Variants in ALOX5 observed in about 807,000 individuals in gnomAD.
ALOX5 encodes polyunsaturated fatty acid 5-lipoxygenase.
Under a neutral mutation model 87.9 loss-of-function variants are expected in ALOX5, and 64 were observed. The observed-to-expected ratio is 0.73, with a 90% CI of 0.60 to 0.90. The LOEUF is 0.90. ALOX5 is among the 40% of genes least tolerant of loss of function. The probability of loss-of-function intolerance (pLI) is 0.00; values close to 1 mark genes in which losing one functional copy is unlikely to be tolerated. For missense variants in ALOX5, 822 were observed against 907.5 expected, an observed-to-expected ratio of 0.91 and a Z score of 1.21; for synonymous variants, 388 against 355.1, an observed-to-expected ratio of 1.09 and a Z score of -1.04.
chr10:45,409,509 G>GTCTCTC (rs71515351), intron 3 of ALOX5, among the ~76,000 whole-genome samples: 35,266 of 129,518 alleles, frequency 0.27, 6,298 homozygotes, highest in East Asian at 0.47. Context: ...CTGTCTGTCT[G>GTCTCTC]TCTCTCTCTC....
intron 7 of ALOX5, among the ~76,000 whole-genome samples, chr10:45,435,665 T>C (rs2132839728): frequency 6.6e-6 from 1 of 152,376 alleles, no homozygotes. Flanking sequence ...CACATTTTCT[T>C]TATCTGGTGC....
At chr10:45,444,547 T>TC (rs1842373235) in intron 13 of ALOX5, 1 of 434,756 alleles carries the variant, frequency 2.3e-6, no homozygotes, top group Non-Finnish European at 4.0e-6. Flanking sequence ...TGACGCCCCC[T>TC]CCCCCCAGCT....
At chr10:45,394,635 C>A (rs147495166) in intron 2 of ALOX5, among the ~76,000 whole-genome samples, 5 of 152,038 alleles carry the variant, frequency 3.3e-5, no homozygotes, top group African/African-American at 1.2e-4. Flanking sequence ...AGCTTCTGCA[C>A]AGCAAAAGAA....
At position 45,445,507 on chromosome 10, in the gene ALOX5, G is replaced by C; in HGVS notation, c.1846-1G>C. ...GTGTGTGTCCATGTCTGGGCCCTCA[G>C]CTGTTCCTGGGCATGTACCCAGAAG... On this transcript the variant is annotated splice_acceptor_variant, in intron 13 of 13. Coordinates refer to ENST00000374391, the MANE Select transcript of ALOX5 (RefSeq NM_000698.5). LOFTEE classifies it high-confidence loss of function. 6.2e-7 allele frequency: 1 copy of C among 1,612,282 alleles called. No individual in the cohort carries two copies. Among genetic ancestry groups the C allele is most frequent in the Non-Finnish European group, 8.5e-7 (1 of 1,178,454 alleles).
rs535179925 is a variant in ALOX5, at chr10:45,437,504, T to G, written c.982-2926T>G. 8.5e-5 allele frequency among the ~76,000 whole-genome samples: 13 copies of G among 152,372 alleles called. No homozygotes were observed. The East Asian group carries it at 2.5e-3, about 29-fold the overall frequency. ...TTTTTTAAGCCTTTTCGCTTTGTGCTAATAACTTTTTGTTAAGCCCTATCA... is the reference window on the plus strand; with the variant it reads ...TTTTTTAAGCCTTTTCGCTTTGTGCGAATAACTTTTTGTTAAGCCCTATCA... On this transcript the variant is annotated intron_variant, in intron 7 of 13. Transcript: ENST00000374391.
intron 2 of ALOX5, among the ~76,000 whole-genome samples, chr10:45,384,257 A>G (rs916853188): frequency 2.6e-5 from 4 of 152,212 alleles, no homozygotes; most frequent in African/African-American, 7.2e-5. Context: ...CTTTCTGGTC[A>G]GAGTTCCCAG....
intron 4 of ALOX5, among the ~76,000 whole-genome samples, chr10:45,420,452 CAT>C (rs1841461284): frequency 6.6e-6 from 1 of 152,238 alleles, no homozygotes; most frequent in Non-Finnish European, 1.5e-5. Context: ...ATTTGGAAAA[CAT>C]TGCAAACTCT....
rs551691224 is a variant in ALOX5, at chr10:45,379,328, G to T, written c.151-3155G>T. ...GAGCCATAGGAAAGCTACTTCCCCT[G>T]CAGCAGCCACACTCAGACCAGGCCC... On this transcript the variant is annotated intron_variant, in intron 1 of 13. Coordinates refer to ENST00000374391, the MANE Select transcript of ALOX5 (RefSeq NM_000698.5). 2.0e-5 allele frequency among the ~76,000 whole-genome samples: 3 copies of T among 152,084 alleles called. No homozygotes were observed. The East Asian group carries it at 5.8e-4, about 29-fold the overall frequency.
At chr10:45,419,666 G>T (rs528491903) in intron 4 of ALOX5, among the ~76,000 whole-genome samples, 140 of 152,384 alleles carry the variant, frequency 9.2e-4, no homozygotes, top group African/African-American at 3.1e-3. Flanking sequence ...GATCGCTTGA[G>T]CCGGGGAGGT....
intron 3 of ALOX5, among the ~76,000 whole-genome samples, chr10:45,407,184 A>G (rs1840915379): frequency 6.6e-6 from 1 of 152,108 alleles, no homozygotes; most frequent in South Asian, 2.1e-4. Flanking sequence ...AAGTGTGTAT[A>G]CACTTCAGTC....
intron 6 of ALOX5, among the ~76,000 whole-genome samples, chr10:45,428,013 T>A (rs1841784546): frequency 6.7e-6 from 1 of 150,356 alleles, no homozygotes; most frequent in Admixed American, 6.6e-5. Context: ...CCTCTGCTTC[T>A]GCAGCACCTC....
At chr10:45,439,127 T>C (rs1006478114) in intron 7 of ALOX5, among the ~76,000 whole-genome samples, 2 of 152,260 alleles carry the variant, frequency 1.3e-5, no homozygotes, top group African/African-American at 2.4e-5. Flanking sequence ...TCTGGATATA[T>C]TGGGTAAAAT....
chr10:45,418,844 C>A (rs1185532304), intron 4 of ALOX5, among the ~76,000 whole-genome samples: 1 of 152,170 alleles, frequency 6.6e-6, no homozygotes, highest in African/African-American at 2.4e-5. Context: ...CAGGGGGTGG[C>A]AGGGCTGAAA....
At chr10:45,428,261 A>G (rs1259231413) in intron 6 of ALOX5, 1 of 275,898 alleles carries the variant, frequency 3.6e-6, no homozygotes, top group African/African-American at 2.2e-5. Context: ...AGAGTCCGGC[A>G]GCATCATTTT....
At chr10:45,413,874 A>C (rs1017401031) in intron 4 of ALOX5, among the ~76,000 whole-genome samples, 1 of 152,198 alleles carries the variant, frequency 6.6e-6, no homozygotes, top group Non-Finnish European at 1.5e-5. Flanking sequence ...TAGGAATCCA[A>C]CTTACAAGGG....
chr10:45,385,738 C>T (rs1349730330), intron 2 of ALOX5, among the ~76,000 whole-genome samples: 2 of 152,146 alleles, frequency 1.3e-5, no homozygotes, highest in Non-Finnish European at 2.9e-5. Flanking sequence ...CCTCAAGCCT[C>T]CCCTCCTGGC....
At chr10:45,412,039 TG>T in intron 3 of ALOX5, 151 bp from the exon 4 acceptor site, 1 of 1,175,756 alleles carries the variant, frequency 8.5e-7, no homozygotes, top group Non-Finnish European at 1.2e-6. Context: ...AGAACCTTAC[TG>T]GACACAGGGT....
At chr10:45,420,637 G>A (rs1589028351) in intron 4 of ALOX5, among the ~76,000 whole-genome samples, 1 of 152,226 alleles carries the variant, frequency 6.6e-6, no homozygotes, top group African/African-American at 2.4e-5. Flanking sequence ...TCTGGCTGGC[G>A]ACAGCTTGGT....
intron 7 of ALOX5, among the ~76,000 whole-genome samples, chr10:45,439,736 C>A (rs1842168317): frequency 6.6e-6 from 1 of 152,156 alleles, no homozygotes; most frequent in Admixed American, 6.5e-5. Flanking sequence ...AGGCAGTTAA[C>A]ATGACATGAT....
Sources: allele counts gnomAD v4.1 joint callset (sites outside exome capture counted in the v4.1 genomes callset), GRCh38; gene constraint gnomAD v4.1.1; transcripts MANE v1.5; gene names NCBI Gene and HGNC (gene_info 2026-07-23, HGNC 2026-07-21).